The following DLEU7 variants were observed in gnomAD, a reference collection of about 807,000 sequenced individuals.
DLEU7 encodes the protein leukemia-associated protein 7.
DLEU7 carries 17 observed loss-of-function variants against 16.0 expected under a neutral mutation model. The ratio of observed to expected loss-of-function variants is 1.06; its 90% CI spans 0.73 to 1.59. The LOEUF (loss-of-function observed/expected upper bound fraction) is 1.59, where lower values mean the gene tolerates loss of function less well. Among genes scored for constraint, DLEU7 ranks in the 40% most tolerant of loss-of-function variants. The pLI is 0.00. For synonymous variants in DLEU7, 113 were observed against 139.8 expected (o/e 0.81, Z 1.35); for missense variants, 308 against 314.9 (o/e 0.98, Z 0.17).
At chr13:50,743,447 T>C (rs1593537446) in intron 1 of DLEU7, among the ~76,000 whole-genome samples, 1 of 152,226 alleles carries the variant, frequency 6.6e-6, no homozygotes, top group East Asian at 1.9e-4. Context: ...ATTTAAATCC[T>C]GGCTCTATTC....
downstream of DLEU7, among the ~76,000 whole-genome samples, chr13:50,820,467 C>T (rs1402675856): frequency 2.0e-5 from 3 of 152,080 alleles, no homozygotes; most frequent in Non-Finnish European, 4.4e-5. Context: ...GGCCAACCAG[C>T]CTTGCACAGG....
Position 50,843,471 on chromosome 13 carries a change from G to A in DLEU7, c.176C>T (p.Ala59Val). 7.5e-7 allele frequency: 1 copy of A among 1,330,390 alleles called. No homozygotes were observed. The highest frequency in any genetic ancestry group is 1.5e-5 in the African/African-American group (1 of 64,732). The allele number at this position is 1,330,390 out of a possible 1,614,324, so 82.4% of individuals were successfully genotyped here. A position where few individuals can be genotyped will look rare whatever the true frequency, so the allele number is the denominator to read the frequency against. ...APARRSGPPRARPGPGREERG... is the reference protein window; with the variant it reads ...APARRSGPPRVRPGPGREERG... Reference sequence around the variant, plus strand: ...CTCCTCGCGCCCGGGCCCCGGCCGGGCCCGCGGCGGGCCTGAGCGACGGGC... The same window carrying A: ...CTCCTCGCGCCCGGGCCCCGGCCGGACCCGCGGCGGGCCTGAGCGACGGGC... Residue 59 changes from alanine (A) to valine (V), a missense_variant, in exon 1 of 2, where the codon GCC (alanine) becomes GTC (valine). Coordinates refer to ENST00000504404, the MANE Select transcript of DLEU7 (RefSeq NM_001306135.2). The surrounding 1 kb of genome is among the most constrained non-coding windows in gnomAD (Gnocchi z 5.7).
chr13:50,745,324 T>C (rs1307166852), intron 1 of DLEU7, among the ~76,000 whole-genome samples: 5 of 152,170 alleles, frequency 3.3e-5, no homozygotes, highest in Admixed American at 1.3e-4. Context: ...AAACAAATAC[T>C]GTTTCATTCT....
intron 1 of DLEU7, among the ~76,000 whole-genome samples, chr13:50,727,001 A>G (rs2260128): frequency 0.58 from 88,466 of 152,012 alleles, 28,218 homozygotes; most frequent in African/African-American, 0.85. Flanking sequence ...GCAATGTTTT[A>G]AGCACTGCAC....
At chr13:50,813,790 C>G (rs1216993746) in intron 1 of DLEU7, among the ~76,000 whole-genome samples, 3 of 146,664 alleles carry the variant, frequency 2.0e-5, no homozygotes, top group African/African-American at 7.5e-5. Flanking sequence ...ATATTTTAGT[C>G]TGAACTCCAG....
In DLEU7 at chr13:50,843,507, G is replaced by A. The variant is rs999113174; in HGVS notation, c.140C>T (p.Ser47Phe). 2.8e-6 allele frequency: 4 copies of A among 1,403,628 alleles called. No homozygotes were observed. Among genetic ancestry groups the A allele is most frequent in the Non-Finnish European group, 3.7e-6 (4 of 1,089,548 alleles). The allele number at this position is 1,403,628 out of a possible 1,614,324, so 86.9% of individuals were successfully genotyped here. The change falls in exon 1 of 2, where the codon TCC (serine) becomes TTC (phenylalanine). Residue 47 changes from serine to phenylalanine, a missense_variant. By Grantham distance (155) the Ser-to-Phe change is radical. Coordinates refer to ENST00000504404, the MANE Select transcript of DLEU7 (RefSeq NM_001306135.2). The surrounding 1 kb of genome is among the most constrained non-coding windows in gnomAD (Gnocchi z 5.7). ...GCCTGAGCGACGGGCTGGAGCGGTG[G>A]ACACGTGGTCTGGGTCCCGCGGGTT... ...PGNPRDPDHV[S>F]TAPARRSGPP...
In DLEU7 at chr13:50,843,485, T is replaced by G. The variant is rs1877754408; in HGVS notation, c.162A>C (p.Ser54=). 8 of 1,355,490 alleles carry G rather than the reference T, an allele frequency of 5.9e-6. No homozygotes were observed. Among genetic ancestry groups the G allele is most frequent in the Non-Finnish European group, 7.5e-6 (8 of 1,062,230 alleles). The allele number at this position is 1,355,490 out of a possible 1,614,324, so 84.0% of individuals were successfully genotyped here. The part of the protein sequence containing the change: ...DHVSTAPARR[S]GPPRARPGPG... The stretch of plus-strand genomic sequence containing the variant: ...GCCCCGGCCGGGCCCGCGGCGGGCC[T>G]GAGCGACGGGCTGGAGCGGTGGACA... The change falls in exon 1 of 2, where the codon TCA becomes TCC. Residue 54 remains serine, a synonymous_variant. Coordinates refer to ENST00000504404, the MANE Select transcript of DLEU7 (RefSeq NM_001306135.2). This position sits in a 1 kb window ranked among gnomAD's most constrained non-coding sequence, Gnocchi z 5.7.
At chr13:50,791,643 T>C (rs921558359) in intron 1 of DLEU7, among the ~76,000 whole-genome samples, 14 of 151,940 alleles carry the variant, frequency 9.2e-5, no homozygotes, top group African/African-American at 2.9e-4. Context: ...AACCTAAAAA[T>C]TACCCAAGTG....
At chr13:50,780,937 C>G (rs866711298) in intron 1 of DLEU7, among the ~76,000 whole-genome samples, 1 of 152,170 alleles carries the variant, frequency 6.6e-6, no homozygotes, top group African/African-American at 2.4e-5. Flanking sequence ...CTCCCAGAGC[C>G]AGCACTCAAA....
chr13:50,803,758 G>A (rs1313490752), intron 1 of DLEU7, among the ~76,000 whole-genome samples: 1 of 152,012 alleles, frequency 6.6e-6, no homozygotes, highest in Admixed American at 6.6e-5. Context: ...CTAACTACTA[G>A]AAAATTTAGA....
chr13:50,723,723 A>G (rs1248662044), intron 1 of DLEU7, among the ~76,000 whole-genome samples: 1 of 151,936 alleles, frequency 6.6e-6, no homozygotes, highest in Non-Finnish European at 1.5e-5. Context: ...GTCTAAGCCT[A>G]TTTATCTCCC....
chr13:50,729,750 C>A (rs1873866463), intron 1 of DLEU7, among the ~76,000 whole-genome samples: 1 of 152,166 alleles, frequency 6.6e-6, no homozygotes, highest in South Asian at 2.1e-4. Context: ...GAGGTGGTAT[C>A]TCATTGTGGT....
intron 1 of DLEU7, among the ~76,000 whole-genome samples, chr13:50,746,684 A>G (rs1566236657): frequency 2.0e-5 from 3 of 152,132 alleles, no homozygotes; most frequent in African/African-American, 4.8e-5. Context: ...ATTTTTTCCT[A>G]GATTTATCCC....
chr13:50,725,155 T>C (rs1873733002), intron 1 of DLEU7, among the ~76,000 whole-genome samples: 1 of 152,056 alleles, frequency 6.6e-6, no homozygotes. Context: ...CTACCTTGCC[T>C]CCACTGGCCA....
chr13:50,821,862 AT>A (rs2137800602), downstream of DLEU7, among the ~76,000 whole-genome samples: 1 of 152,314 alleles, frequency 6.6e-6, no homozygotes, highest in African/African-American at 2.4e-5. Context: ...GAAAGACCTC[AT>A]CATAAAAGAA....
upstream of DLEU7, chr13:50,843,730 C>T (rs1311703643): frequency 6.9e-6 from 10 of 1,454,160 alleles, no homozygotes; most frequent in East Asian, 1.7e-4. The surrounding 1 kb of genome is among the most constrained non-coding windows in gnomAD (Gnocchi z 5.7). Flanking sequence ...GCCAAGGTCA[C>T]ATTTTCTAAC....
intron 1 of DLEU7, among the ~76,000 whole-genome samples, chr13:50,787,672 C>CT (rs1875824924): frequency 6.6e-6 from 1 of 152,200 alleles, no homozygotes; most frequent in South Asian, 2.1e-4. Context: ...ACCAGACCTA[C>CT]TGCCTAAAAC....
chr13:50,843,049 T>C lies in DLEU7; in HGVS notation c.459+139A>G. The C allele has an allele frequency of 1.1e-6, 1 of 905,906 alleles. No homozygotes were observed. 56.1% of individuals were successfully genotyped at this position (905,906 alleles called of 1,614,324 possible). A position where few individuals can be genotyped will look rare whatever the true frequency, so the allele number is the denominator to read the frequency against. On this transcript the variant is annotated intron_variant, in intron 1 of 1. Transcript: ENST00000504404. The surrounding 1 kb of genome is among the most constrained non-coding windows in gnomAD (Gnocchi z 5.7). ...CCCAGAGTGTCCCCCGCCCCCTTCC[T>C]TCTCCCACTGGGGCTGAATCACAGT...
chr13:50,716,917 T>C (rs1449813533), intron 1 of DLEU7, among the ~76,000 whole-genome samples: 1 of 152,200 alleles, frequency 6.6e-6, no homozygotes, highest in Non-Finnish European at 1.5e-5. Flanking sequence ...GAGGCAGACT[T>C]ATTTTTCACT....
Sources: gnomAD v4.1 joint callset for allele counts (sites outside exome capture counted in the v4.1 genomes callset) on GRCh38, gnomAD v4.1.1 for gene constraint, Gnocchi (gnomAD v3.1) non-coding constraint, MANE v1.5 for transcripts, NCBI Gene and HGNC (gene_info 2026-07-23, HGNC 2026-07-21) for gene names.